MFF: variants seen among roughly 807,000 people sequenced by gnomAD.
MFF encodes the protein chromosome 2 open reading frame 33.
A neutral mutation model predicts 36.9 loss-of-function variants in MFF; 12 were observed. The ratio of observed to expected loss-of-function variants is 0.33; its 90% CI spans 0.21 to 0.53. The LOEUF (loss-of-function observed/expected upper bound fraction) is 0.53. Ranked by LOEUF, MFF falls within the 20% of genes least tolerant of loss-of-function variation. The pLI, the probability that MFF is intolerant of heterozygous loss-of-function variation, is 0.95. For missense variants in MFF, 348 were observed against 366.6 expected, an observed-to-expected ratio of 0.95 and a Z score of 0.42; for synonymous variants, 99 against 126.2, an observed-to-expected ratio of 0.78 and a Z score of 1.44.
chr2:227,357,063 T>C lies in MFF; in HGVS notation c.822T>C (p.Tyr274=). The C allele has an allele frequency of 6.2e-7, 1 of 1,612,712 alleles. No individual in the cohort carries two copies. Among genetic ancestry groups the C allele is most frequent in the Non-Finnish European group, 8.5e-7 (1 of 1,179,984 alleles). ...GTGCTAAAAGAGAAATGGTCATGTA[T>C]TCAATTACTGTAGCTTTCTGGCTGC... ...KERAKREMVM[Y]SITVAFWLLN... The change falls in exon 9 of 9, where the codon TAT becomes TAC. Residue 274 remains tyrosine, a synonymous_variant. Transcript: ENST00000304593.
At chr2:227,347,730 C>G (rs1375218490) in intron 6 of MFF, among the ~76,000 whole-genome samples, 2 of 152,200 alleles carry the variant, frequency 1.3e-5, no homozygotes, top group African/African-American at 4.8e-5. Context: ...TTTACTAGTC[C>G]TCGTTAGTCT....
At chr2:227,337,000 T>C (rs1432315258) in intron 4 of MFF, among the ~76,000 whole-genome samples, 2 of 152,242 alleles carry the variant, frequency 1.3e-5, no homozygotes, top group Non-Finnish European at 1.5e-5. Context: ...GATCACACTT[T>C]GGTGATGGTT....
intron 3 of MFF, among the ~76,000 whole-genome samples, chr2:227,331,239 AG>A (rs2074549420): frequency 6.6e-6 from 1 of 152,202 alleles, no homozygotes. Context: ...GCCAGAGAAT[AG>A]ATTTGTCTTT....
Position 227,330,671 on chromosome 2 carries a change from A to G in MFF, c.6A>G (p.Ala2=). M[A]EISRIQYEME... ...CTTCTCCCACTGCTGCTGAGATGGCAGAAATTAGTCGAATTCAGTACGAAA... is the reference window on the plus strand; with the variant it reads ...CTTCTCCCACTGCTGCTGAGATGGCGGAAATTAGTCGAATTCAGTACGAAA... Residue 2 remains alanine, a synonymous_variant, in exon 3 of 9, where the codon GCA becomes GCG. Transcript: ENST00000304593. 2 of 1,614,116 alleles carry G rather than the reference A, an allele frequency of 1.2e-6. 1 individual carries two copies. Among genetic ancestry groups the G allele is most frequent in the Non-Finnish European group, 1.7e-6 (2 of 1,179,948 alleles).
At chr2:227,347,718 A>G (rs1430850271) in intron 6 of MFF, among the ~76,000 whole-genome samples, 2 of 152,192 alleles carry the variant, frequency 1.3e-5, no homozygotes, top group Non-Finnish European at 2.9e-5. Context: ...GTTAGACTGA[A>G]GTTTACTAGT....
chr2:227,342,995 GAAA>G (rs879838989), intron 5 of MFF, among the ~76,000 whole-genome samples: 2 of 143,914 alleles, frequency 1.4e-5, no homozygotes, highest in East Asian at 4.0e-4. Flanking sequence ...CTTTATTAAG[GAAA>G]AAAAAAAACT....
chr2:227,341,703 G>A (rs1472544674), intron 5 of MFF, among the ~76,000 whole-genome samples: 1 of 152,048 alleles, frequency 6.6e-6, no homozygotes, highest in Admixed American at 6.5e-5. Flanking sequence ...TTCTTGATCT[G>A]CTTTAGAGTG....
At chr2:227,331,196 T>C (rs1432528599) in intron 3 of MFF, among the ~76,000 whole-genome samples, 1 of 152,174 alleles carries the variant, frequency 6.6e-6, no homozygotes, top group Non-Finnish European at 1.5e-5. Context: ...TCCCTACCCC[T>C]CAACTCTAGG....
At chr2:227,343,773 G>A (rs1003082710) in intron 5 of MFF, among the ~76,000 whole-genome samples, 3 of 151,894 alleles carry the variant, frequency 2.0e-5, no homozygotes, top group African/African-American at 7.3e-5. Context: ...ACAATTGGCT[G>A]GTGTTTTTTT....
rs1027457073 is a variant in MFF, at chr2:227,332,442, T to C, written c.205T>C (p.Ser69Pro). 2 of 1,610,234 alleles carry C rather than the reference T, an allele frequency of 1.2e-6. No homozygotes were observed. Among genetic ancestry groups the C allele is most frequent in the Non-Finnish European group, 1.7e-6 (2 of 1,178,810 alleles). ...AGGAAATAATGAAGATGTTTCATTT[T>C]CAAGACCAGCAGATCTTGACCTTAT... ...VAGNNEDVSF[S>P]RPADLDLIQS... Residue 69 changes from serine (S) to proline (P), a missense_variant, in exon 4 of 9, where the codon TCA becomes CCA. By Grantham distance (74) the Ser-to-Pro change is moderately conservative (BLOSUM62 -1). Transcript: ENST00000304593.
At chr2:227,343,389 C>G (rs1323493937) in intron 5 of MFF, among the ~76,000 whole-genome samples, 1 of 152,108 alleles carries the variant, frequency 6.6e-6, no homozygotes, top group Non-Finnish European at 1.5e-5. Flanking sequence ...GTATATAATA[C>G]AGGTATTCAA....
At chr2:227,338,558 G>A (rs377019398) in intron 4 of MFF, among the ~76,000 whole-genome samples, 99 of 151,760 alleles carry the variant, frequency 6.5e-4, no homozygotes, top group African/African-American at 2.3e-3. Context: ...TCGGCCGGGC[G>A]CAGTGGCTCA....
chr2:227,354,077 T>C (rs1397113300), intron 7 of MFF, among the ~76,000 whole-genome samples: 1 of 152,318 alleles, frequency 6.6e-6, no homozygotes, highest in East Asian at 1.9e-4. Flanking sequence ...CCAGGTTGTT[T>C]ACTGTGTTCT....
rs983015575 is a variant in MFF, at chr2:227,350,117, G to A, written c.600-2397G>A. 2.6e-5 allele frequency among the ~76,000 whole-genome samples: 4 copies of A among 152,046 alleles called. No homozygotes were observed. In the East Asian group the frequency reaches 5.8e-4, roughly 22 times the overall value. Reference sequence around the variant, plus strand: ...GTAGATGATCTAAACCAAACTCAACGTGAAAACCAAGTTAAATCCTAGGTA... The same window carrying A: ...GTAGATGATCTAAACCAAACTCAACATGAAAACCAAGTTAAATCCTAGGTA... On this transcript the variant is annotated intron_variant, in intron 6 of 8. Transcript: ENST00000304593.
chr2:227,325,816 G>T (rs951267603), intron 1 of MFF, among the ~76,000 whole-genome samples: 3 of 152,212 alleles, frequency 2.0e-5, no homozygotes, highest in African/African-American at 7.2e-5. Context: ...ATCCTTCCCT[G>T]CCAAGGCCCT....
In MFF at chr2:227,357,128, A is replaced by G. The variant is rs1226686066; in HGVS notation, c.*11A>G. 13 of 1,609,510 alleles carry G rather than the reference A, an allele frequency of 8.1e-6. No individual in the cohort carries two copies. Among genetic ancestry groups the G allele is most frequent in the Non-Finnish European group, 1.0e-5 (12 of 1,179,174 alleles). On this transcript the variant is annotated 3_prime_UTR_variant, in exon 9 of 9. Coordinates refer to ENST00000304593, the MANE Select transcript of MFF (RefSeq NM_001277062.2). ...TGGTTTCGCCGCTAGAGGTAACATCAGCCCTCAAAAATACTGTCTCAACAG... is the reference window on the plus strand; with the variant it reads ...TGGTTTCGCCGCTAGAGGTAACATCGGCCCTCAAAAATACTGTCTCAACAG...
chr2:227,332,659 C>G, intron 4 of MFF, 71 bp downstream of exon 4: 2 of 1,116,530 alleles, frequency 1.8e-6, no homozygotes, highest in Non-Finnish European at 2.6e-6. Context: ...AGCAAAGAGG[C>G]TTTATCATAT....
chr2:227,342,811 G>C (rs367621130), intron 5 of MFF: 4 of 1,613,110 alleles, frequency 2.5e-6, no homozygotes, highest in Non-Finnish European at 3.4e-6. Context: ...TTTCTGCACC[G>C]GAGTACACGT....
At chr2:227,353,959 G>A (rs1045719920) in intron 7 of MFF, among the ~76,000 whole-genome samples, 18 of 152,108 alleles carry the variant, frequency 1.2e-4, no homozygotes, top group Non-Finnish European at 2.5e-4. Context: ...GAAGGAAAAG[G>A]GAATCTTCTA....
Sources: gnomAD v4.1 joint callset for allele counts (sites outside exome capture counted in the v4.1 genomes callset) on GRCh38, gnomAD v4.1.1 for gene constraint, MANE v1.5 for transcripts, NCBI Gene and HGNC (gene_info 2026-07-23, HGNC 2026-07-21) for gene names.